Variants in BAZ1B observed in about 807,000 individuals in gnomAD.
BAZ1B encodes the protein bromodomain adjacent to zinc finger domain 1B.
A neutral mutation model predicts 153.8 loss-of-function variants in BAZ1B; 22 were observed. The observed-to-expected ratio is 0.14, with a 90% CI of 0.10 to 0.20. The LOEUF is 0.20. BAZ1B is among the 10% of genes least tolerant of loss of function. The probability of loss-of-function intolerance (pLI) is 1.00; values close to 1 mark genes in which losing one functional copy is unlikely to be tolerated. For synonymous variants in BAZ1B, 676 were observed against 633.4 expected, an observed-to-expected ratio of 1.07 and a Z score of -1.01; for missense variants, 1,325 against 1,799.3, an observed-to-expected ratio of 0.74 and a Z score of 4.77.
At chr7:73,497,146 G>T (rs1406419632) in intron 4 of BAZ1B, among the ~76,000 whole-genome samples, 20 of 150,714 alleles carry the variant, frequency 1.3e-4, no homozygotes, top group African/African-American at 4.4e-4. Flanking sequence ...GGGAAGCTGA[G>T]GTGGCAGGAT....
chr7:73,501,196 C>T (rs1037923825), intron 3 of BAZ1B, among the ~76,000 whole-genome samples: 1 of 152,008 alleles, frequency 6.6e-6, no homozygotes, highest in Non-Finnish European at 1.5e-5. Flanking sequence ...GCGGAGGTTG[C>T]GGTGAGCCAA....
intron 3 of BAZ1B, 144 bp downstream of exon 3, chr7:73,508,183 G>A (rs1405932579): frequency 2.3e-6 from 2 of 875,750 alleles, no homozygotes; most frequent in Non-Finnish European, 3.2e-6. Flanking sequence ...AAACACACAA[G>A]TATTAACGTA....
At chr7:73,516,994 C>T (rs1405251473) in intron 1 of BAZ1B, among the ~76,000 whole-genome samples, 4 of 150,460 alleles carry the variant, frequency 2.7e-5, no homozygotes, top group Non-Finnish European at 4.4e-5. Context: ...CCAGCCTGGC[C>T]AACGTGGTAA....
At chr7:73,513,298 A>G (rs1790660443) in intron 1 of BAZ1B, among the ~76,000 whole-genome samples, 1 of 152,216 alleles carries the variant, frequency 6.6e-6, no homozygotes, top group Non-Finnish European at 1.5e-5. Context: ...GGTTATGATC[A>G]GCAAAAACGC....
At chr7:73,509,649 A>G (rs144145506) in intron 2 of BAZ1B, among the ~76,000 whole-genome samples, 1 of 152,026 alleles carries the variant, frequency 6.6e-6, no homozygotes, top group Non-Finnish European at 1.5e-5. Context: ...TGATCCCAGG[A>G]GCTATGTGCA....
chr7:73,462,286 A>G (rs1317772403), intron 12 of BAZ1B, among the ~76,000 whole-genome samples: 3 of 152,256 alleles, frequency 2.0e-5, no homozygotes, highest in African/African-American at 7.2e-5. Context: ...GAATTTGAAA[A>G]GACCCACAAA....
At chr7:73,504,134 C>G (rs944228320) in intron 3 of BAZ1B, among the ~76,000 whole-genome samples, 14 of 152,214 alleles carry the variant, frequency 9.2e-5, no homozygotes, top group African/African-American at 3.4e-4. Flanking sequence ...TGTCTGCTGT[C>G]AACAGCCCCT....
rs1554570621 is a variant in BAZ1B, at chr7:73,463,014, T to TTAA, written c.3154_3156dup (p.Leu1052dup). ...TCAATGAGATCACTACGAAGGAAGT[T>TTAA]TAAAAGCTCCTGGTTGCCATCACAA... On this transcript the variant is annotated inframe_insertion, in exon 12 of 20. Coordinates refer to ENST00000339594, the MANE Select transcript of BAZ1B (RefSeq NM_032408.4). The TTAA allele has an allele frequency of 6.2e-7, 1 of 1,614,074 alleles. No individual in the cohort carries two copies. The highest frequency in any genetic ancestry group is 1.7e-5 in the Admixed American group (1 of 60,008).
chr7:73,478,526 G>C lies in BAZ1B; in HGVS notation c.935C>G (p.Ser312Cys), dbSNP rs1554573230. 2 of 1,573,616 alleles carry C rather than the reference G, an allele frequency of 1.3e-6. No homozygotes were observed. The highest frequency in any genetic ancestry group is 3.9e-5 in the Admixed American group (2 of 51,390). Residue 312 changes from serine to cysteine, a missense_variant, in exon 7 of 20, where the codon TCC becomes TGC. Around this residue, in one of 9 missense-constraint regions of BAZ1B, gnomAD observed 219 missense variants for 248.2 expected, o/e 0.88. Coordinates refer to ENST00000339594, the MANE Select transcript of BAZ1B (RefSeq NM_032408.4). ...NPSTKRKNTG[S>C]PDRKPSKKSK... ...TTTCTTTGAGGGCTTCCTGTCTGGG[G>C]ATCCAGTATTCTTCCTCTTAGTAGA...
intron 12 of BAZ1B, among the ~76,000 whole-genome samples, chr7:73,461,135 C>T (rs1335681897): frequency 2.0e-5 from 3 of 151,984 alleles, no homozygotes; most frequent in African/African-American, 7.2e-5. Flanking sequence ...GCCACCATAC[C>T]CAGCTAATTT....
chr7:73,447,852 T>C (rs940678935), intron 15 of BAZ1B, among the ~76,000 whole-genome samples: 7 of 152,158 alleles, frequency 4.6e-5, no homozygotes, highest in Non-Finnish European at 1.0e-4. Flanking sequence ...CAGATGACCA[T>C]AATATCAAAG....
intron 3 of BAZ1B, among the ~76,000 whole-genome samples, chr7:73,501,516 C>G (rs756460372): frequency 6.6e-6 from 1 of 152,118 alleles, no homozygotes; most frequent in Non-Finnish European, 1.5e-5. Flanking sequence ...ATTTTCACAG[C>G]TGAGAGGGTG....
chr7:73,503,246 TTTTC>T (rs1186307055), intron 3 of BAZ1B, among the ~76,000 whole-genome samples: 2 of 152,230 alleles, frequency 1.3e-5, no homozygotes, highest in East Asian at 1.9e-4. Flanking sequence ...CAGCAAGTTT[TTTTC>T]TTTATTAATC....
chr7:73,479,600 C>T (rs1196084165), intron 6 of BAZ1B, among the ~76,000 whole-genome samples: 1 of 152,002 alleles, frequency 6.6e-6, no homozygotes, highest in Non-Finnish European at 1.5e-5. Flanking sequence ...AATCCACTCC[C>T]TCCAGTCCCA....
intron 1 of BAZ1B, 62 bp from the exon 2 acceptor site, chr7:73,510,914 A>G (rs1166294943): frequency 4.4e-6 from 6 of 1,352,978 alleles, no homozygotes; most frequent in South Asian, 1.2e-5. Flanking sequence ...CCATACCCAT[A>G]AGATACTTAT....
intron 1 of BAZ1B, among the ~76,000 whole-genome samples, chr7:73,520,184 G>C (rs1254171694): frequency 1.3e-5 from 2 of 150,374 alleles, no homozygotes; most frequent in African/African-American, 4.9e-5. Flanking sequence ...ACTGCCACCT[G>C]GGTTAACAAG....
In BAZ1B at chr7:73,444,001, C is replaced by T; in HGVS notation, c.3973G>A (p.Ala1325Thr). Reference protein sequence around the residue: ...SQPKAPPVDDAEVDELVLQTK... With the variant: ...SQPKAPPVDDTEVDELVLQTK... ...ATTCTCACCAGCTCATCCACCTCAG[C>T]ATCATCCACAGGTGGTGCCTTGGGC... Residue 1325 changes from alanine to threonine, a missense_variant, in exon 17 of 20, where the codon GCT becomes ACT. Coordinates refer to ENST00000339594, the MANE Select transcript of BAZ1B (RefSeq NM_032408.4). 1 of 1,613,534 alleles carries T rather than the reference C, an allele frequency of 6.2e-7. No individual in the cohort carries two copies. The highest frequency in any genetic ancestry group is 2.2e-5 in the East Asian group (1 of 44,816).
intron 1 of BAZ1B, among the ~76,000 whole-genome samples, chr7:73,520,742 G>A (rs1554580069): frequency 6.6e-6 from 1 of 152,190 alleles, no homozygotes; most frequent in Non-Finnish European, 1.5e-5. Flanking sequence ...GGATCAGGGA[G>A]AAATGAAATA....
intron 13 of BAZ1B, among the ~76,000 whole-genome samples, chr7:73,452,070 C>G (rs1226304918): frequency 6.6e-6 from 1 of 152,216 alleles, no homozygotes; most frequent in Non-Finnish European, 1.5e-5. Flanking sequence ...ATTATAAAAT[C>G]TGAGCATCCA....
Sources: gnomAD v4.1 joint callset for allele counts (sites outside exome capture counted in the v4.1 genomes callset) on GRCh38, gnomAD v4.1.1 for gene constraint, gnomAD v4.1.1 regional missense constraint, MANE v1.5 for transcripts, NCBI Gene and HGNC (gene_info 2026-07-23, HGNC 2026-07-21) for gene names.